The following CDH18 variants were observed in gnomAD, a reference collection of about 807,000 sequenced individuals.
CDH18 encodes cadherin 18.
CDH18 carries 31 observed loss-of-function variants against 67.9 expected under a neutral mutation model. That is an observed-to-expected ratio of 0.46 (90% CI 0.34 to 0.62). CDH18 has a LOEUF of 0.62. CDH18 is among the 20% of genes least tolerant of loss of function. The pLI, the probability that CDH18 is intolerant of heterozygous loss-of-function variation, is 0.01. For missense variants in CDH18, 890 were observed against 975.5 expected, an observed-to-expected ratio of 0.91 and a Z score of 1.17; for synonymous variants, 362 against 347.2, an observed-to-expected ratio of 1.04 and a Z score of -0.48.
At chr5:20,283,745 T>C (rs1288746995) in intron 1 of CDH18, among the ~76,000 whole-genome samples, 1 of 152,040 alleles carries the variant, frequency 6.6e-6, no homozygotes, top group African/African-American at 2.4e-5. Flanking sequence ...GCAAATCCAC[T>C]ACTAGGTATA....
rs372312468 is a variant in CDH18 at position 20,339,886 on chromosome 5, C to A, written c.-579-84381G>T. 1.3e-3 allele frequency among the ~76,000 whole-genome samples: 198 copies of A among 152,256 alleles called. 1 individual carries two copies. The highest frequency in any genetic ancestry group is 4.5e-3 in the African/African-American group (186 of 41,542). ...CTGACTGCTGCTGAAAAATAGGCAG[C>A]CCTGCAAGCAGCAGAGAAATTTGAA... On this transcript the variant is annotated intron_variant, in intron 1 of 14. Transcript: ENST00000507958.
intron 3 of CDH18, among the ~76,000 whole-genome samples, chr5:19,825,676 A>G (rs1273215508): frequency 6.6e-6 from 1 of 152,030 alleles, no homozygotes; most frequent in Non-Finnish European, 1.5e-5. Context: ...AATCCACCTT[A>G]TACAATAATC....
At chr5:20,261,409 T>C (rs1432332567) in intron 1 of CDH18, among the ~76,000 whole-genome samples, 3 of 152,114 alleles carry the variant, frequency 2.0e-5, no homozygotes, top group Non-Finnish European at 1.5e-5. Context: ...ATTTAAATAC[T>C]TGAAATGTAG....
chr5:20,393,756 C>T (rs1745054823), intron 1 of CDH18, among the ~76,000 whole-genome samples: 1 of 151,832 alleles, frequency 6.6e-6, no homozygotes, highest in African/African-American at 2.4e-5. Flanking sequence ...AAATCAAGAA[C>T]TCAATCTCTT....
intron 1 of CDH18, among the ~76,000 whole-genome samples, chr5:20,482,844 T>C (rs1752910797): frequency 1.3e-5 from 2 of 151,994 alleles, no homozygotes; most frequent in African/African-American, 2.4e-5. Context: ...ACTGAAAGCC[T>C]CTCCTGCATG....
chr5:20,251,696 T>G (rs2136112), intron 2 of CDH18, among the ~76,000 whole-genome samples: 69,845 of 151,930 alleles, frequency 0.46, 16,139 homozygotes, highest in South Asian at 0.52. Context: ...TTGTATCTTT[T>G]GATTGAATGG....
chr5:20,233,397 T>G (rs1185302195), intron 2 of CDH18, among the ~76,000 whole-genome samples: 1 of 151,886 alleles, frequency 6.6e-6, no homozygotes, highest in Non-Finnish European at 1.5e-5. Flanking sequence ...GTTTGAAATT[T>G]TATATATTAC....
chr5:19,508,305 T>C (rs1010529837), intron 10 of CDH18, among the ~76,000 whole-genome samples: 6 of 152,240 alleles, frequency 3.9e-5, no homozygotes, highest in East Asian at 3.9e-4. Context: ...ATCTAGATAA[T>C]TGCCAGGTTT....
intron 2 of CDH18, among the ~76,000 whole-genome samples, chr5:19,960,586 TGTGTATATATATATATACACACAC>T (rs1260899800): frequency 4.5e-5 from 6 of 132,740 alleles, no homozygotes; most frequent in Admixed American, 1.5e-4. Context: ...TGTGTGTGTG[TGTGTATATATATATATACACACAC>T]GTGTATATAT....
chr5:20,547,471 G>C (rs905995529), intron 1 of CDH18, among the ~76,000 whole-genome samples: 99 of 151,430 alleles, frequency 6.5e-4, no homozygotes, highest in African/African-American at 2.4e-3. Flanking sequence ...TGAGGCAGGA[G>C]AATCATTTGA....
chr5:19,491,867 A>T (rs1405607137), intron 11 of CDH18, among the ~76,000 whole-genome samples: 2 of 152,164 alleles, frequency 1.3e-5, no homozygotes, highest in African/African-American at 2.4e-5. Flanking sequence ...CAAAGTAATA[A>T]TGACACTCCA....
rs1007131091 is a variant in CDH18, at chr5:19,471,474, A to C, written c.*1752T>G. ...TGGGTAGAAACAGACAGAAAATGTC[A>C]TATAACTTTTGGGGACACTGATAAT... is the stretch of plus-strand genomic sequence containing the variant. On this transcript the variant is annotated 3_prime_UTR_variant, in exon 13 of 13. Coordinates refer to ENST00000382275, the MANE Select transcript of CDH18 (RefSeq NM_004934.5). 2.1e-4 allele frequency among the ~76,000 whole-genome samples: 32 copies of C among 152,130 alleles called. No individual in the cohort carries two copies. The highest frequency in any genetic ancestry group is 7.0e-4 in the African/African-American group (29 of 41,440).
chr5:19,666,686 A>G (rs77415834), intron 5 of CDH18, among the ~76,000 whole-genome samples: 4 of 152,246 alleles, frequency 2.6e-5, no homozygotes, highest in Non-Finnish European at 2.9e-5. Flanking sequence ...CTAACCTCCC[A>G]AAAGACAACT....
intron 1 of CDH18, among the ~76,000 whole-genome samples, chr5:20,439,167 C>CATAAT (rs57856777): frequency 0.62 from 93,394 of 150,356 alleles, 31,401 homozygotes; most frequent in Non-Finnish European, 0.76. Context: ...TTTGGATCAA[C>CATAAT]ATAATTCCAC....
intron 2 of CDH18, among the ~76,000 whole-genome samples, chr5:19,871,642 G>A (rs562343588): frequency 5.9e-5 from 9 of 152,010 alleles, no homozygotes; most frequent in South Asian, 2.1e-4. Context: ...AGGATAAGTC[G>A]GCTTCATACT....
chr5:20,157,180 A>G (rs1751596124), intron 2 of CDH18, among the ~76,000 whole-genome samples: 1 of 152,188 alleles, frequency 6.6e-6, no homozygotes, highest in Non-Finnish European at 1.5e-5. Context: ...TATAAATTGT[A>G]TATTTCTAGA....
chr5:20,128,196 T>G (rs1748985561), intron 2 of CDH18, among the ~76,000 whole-genome samples: 1 of 152,052 alleles, frequency 6.6e-6, no homozygotes, highest in Non-Finnish European at 1.5e-5. Context: ...CCTCAGTTTG[T>G]TTCATCTGTA....
intron 1 of CDH18, among the ~76,000 whole-genome samples, chr5:20,306,366 G>A (rs1736453508): frequency 6.7e-6 from 1 of 149,846 alleles, no homozygotes; most frequent in Non-Finnish European, 1.5e-5. Context: ...TAATATTATT[G>A]CTAAGAATAT....
At chr5:20,269,327 C>T (rs1339556219) in intron 1 of CDH18, among the ~76,000 whole-genome samples, 1 of 150,982 alleles carries the variant, frequency 6.6e-6, no homozygotes, top group African/African-American at 2.4e-5. Flanking sequence ...TGATATTTAT[C>T]AAAGAACTAA....
Sources: allele counts gnomAD v4.1 joint callset (sites outside exome capture counted in the v4.1 genomes callset), GRCh38; gene constraint gnomAD v4.1.1; transcripts MANE v1.5; gene names NCBI Gene and HGNC (gene_info 2026-07-23, HGNC 2026-07-21).